Variants in KMT2C observed in about 807,000 individuals in gnomAD.
KMT2C encodes the protein histone-lysine N-methyltransferase 2C.
In KMT2C, 88 loss-of-function variants were observed where a neutral mutation model predicts 507.9. The ratio of observed to expected loss-of-function variants is 0.17; its 90% CI spans 0.15 to 0.21. KMT2C has a LOEUF of 0.21. Ranked by LOEUF, KMT2C falls within the 10% of genes least tolerant of loss-of-function variation. The probability of loss-of-function intolerance (pLI) is 1.00; values close to 1 mark genes in which losing one functional copy is unlikely to be tolerated. For missense variants in KMT2C, 4,954 were observed against 5,957.8 expected, an observed-to-expected ratio of 0.83 and a Z score of 5.55; for synonymous variants, 2,049 against 2,080.8, an observed-to-expected ratio of 0.98 and a Z score of 0.42.
At chr7:152,186,782 G>T (rs887402285) in intron 33 of KMT2C, among the ~76,000 whole-genome samples, 6 of 152,068 alleles carry the variant, frequency 3.9e-5, no homozygotes, top group African/African-American at 1.4e-4. Context: ...TGGTTAATCA[G>T]AATTTTCACA....
chr7:152,355,063 G>C (rs988434581), intron 2 of KMT2C, among the ~76,000 whole-genome samples: 8 of 152,166 alleles, frequency 5.3e-5, no homozygotes, highest in African/African-American at 1.4e-4. Context: ...CAGTGGAGGG[G>C]TCAAAGTAAT....
At chr7:152,221,552 T>C (rs2094772408) in intron 22 of KMT2C, among the ~76,000 whole-genome samples, 4 of 152,196 alleles carry the variant, frequency 2.6e-5, no homozygotes, top group Non-Finnish European at 4.4e-5. Context: ...ATCCAAACAT[T>C]TTTGTATCAG....
rs767722036 is a variant in KMT2C, at chr7:152,148,127, G to A, written c.13800C>T (p.Cys4600=). The stretch of plus-strand genomic sequence containing the variant: ...GGCGCCCATCCTTCTCCTCAATGGA[G>A]CACAGGTAGCGGCAGCGCCTATTGG... ...RYANRRCRYL[C]SIEEKDGRPV... The change falls in exon 52 of 59, where the codon TGC becomes TGT. Residue 4600 remains cysteine (C), a synonymous_variant. Transcript: ENST00000262189. The surrounding 1 kb of genome is among the most constrained non-coding windows in gnomAD (Gnocchi z 7.1). 2 of 1,613,696 alleles carry A rather than the reference G, an allele frequency of 1.2e-6. No homozygotes were observed. Among genetic ancestry groups the A allele is most frequent in the Admixed American group, 3.3e-5 (2 of 60,016 alleles).
At chr7:152,323,835 G>C (rs1192603775) in intron 3 of KMT2C, among the ~76,000 whole-genome samples, 1 of 148,972 alleles carries the variant, frequency 6.7e-6, no homozygotes, top group African/African-American at 2.5e-5. Context: ...AAGGAAGAGT[G>C]GGGAGAGAGA....
chr7:152,393,789 G>T (rs1564100365), intron 1 of KMT2C, among the ~76,000 whole-genome samples: 1 of 152,162 alleles, frequency 6.6e-6, no homozygotes, highest in South Asian at 2.1e-4. Flanking sequence ...CTACTGGGGA[G>T]GTTGAGGCAG....
chr7:152,208,292 T>TC (rs1156381129), intron 23 of KMT2C, among the ~76,000 whole-genome samples: 1 of 152,232 alleles, frequency 6.6e-6, no homozygotes, highest in Non-Finnish European at 1.5e-5. Context: ...AGCTCTTTCT[T>TC]CCACTATCTT....
At chr7:152,358,726 T>G in intron 1 of KMT2C, 51 bp from the exon 2 acceptor site, 1 of 1,222,962 alleles carries the variant, frequency 8.2e-7, no homozygotes, top group Non-Finnish European at 1.2e-6. Flanking sequence ...TGTTAAATTT[T>G]AAGGCTTAGA....
chr7:152,318,744 C>G (rs1276033547), intron 3 of KMT2C, among the ~76,000 whole-genome samples: 2 of 149,734 alleles, frequency 1.3e-5, no homozygotes, highest in African/African-American at 4.9e-5. Flanking sequence ...ACCAGGCAAA[C>G]ATAAACCAAA....
chr7:152,332,720 T>A (rs1292558233), intron 2 of KMT2C, among the ~76,000 whole-genome samples: 1 of 152,012 alleles, frequency 6.6e-6, no homozygotes, highest in Non-Finnish European at 1.5e-5. Flanking sequence ...TGGTGGCACA[T>A]GCCTGTAATC....
At chr7:152,359,903 G>C (rs1265359441) in intron 1 of KMT2C, among the ~76,000 whole-genome samples, 1 of 151,452 alleles carries the variant, frequency 6.6e-6, no homozygotes, top group Non-Finnish European at 1.5e-5. Context: ...ACAAAAATTA[G>C]CCAGGTGTTG....
intron 1 of KMT2C, among the ~76,000 whole-genome samples, chr7:152,376,596 C>T (rs1193065662): frequency 1.3e-5 from 2 of 152,164 alleles, no homozygotes; most frequent in African/African-American, 4.8e-5. Flanking sequence ...TAATCCACAG[C>T]AAGGCTCTAA....
intron 23 of KMT2C, among the ~76,000 whole-genome samples, chr7:152,208,187 T>C (rs372449170): frequency 6.6e-6 from 1 of 152,290 alleles, no homozygotes; most frequent in South Asian, 2.1e-4. Context: ...AAAATAAACT[T>C]TAAATTGCAA....
chr7:152,433,434 G>T (rs2097883977), intron 1 of KMT2C, among the ~76,000 whole-genome samples: 1 of 145,010 alleles, frequency 6.9e-6, no homozygotes, highest in African/African-American at 2.6e-5. Flanking sequence ...AAACCTCTTT[G>T]CTTTCCAATT....
Position 152,162,403 on chromosome 7 carries a change from G to T in KMT2C, c.11174C>A (p.Thr3725Lys), listed in dbSNP as rs2092503094. The T allele has an allele frequency of 1.9e-6, 3 of 1,614,116 alleles. No individual in the cohort carries two copies. In the Admixed American group the frequency reaches 5.0e-5, roughly 27 times the overall value. ...TEEIKLEKAETESCPGQEEPK... is the reference protein window; with the variant it reads ...TEEIKLEKAEKESCPGQEEPK... ...CTCCTCTTGGCCTGGGCAGGACTCTGTCTCAGCCTTTTCCAGTTTTATCTC... is the reference window on the plus strand; with the variant it reads ...CTCCTCTTGGCCTGGGCAGGACTCTTTCTCAGCCTTTTCCAGTTTTATCTC... The change falls in exon 43 of 59, where the codon ACA becomes AAA. Residue 3725 changes from threonine to lysine, a missense_variant. By Grantham distance (78) the Thr-to-Lys change is moderately conservative (BLOSUM62 -1). This residue lies in a region of KMT2C where 801 missense variants were observed against 751.2 expected (regional missense o/e 1.07). Transcript: ENST00000262189.
chr7:152,197,226 G>A (rs1307234396), intron 27 of KMT2C, among the ~76,000 whole-genome samples: 1 of 152,180 alleles, frequency 6.6e-6, no homozygotes, highest in Non-Finnish European at 1.5e-5. Flanking sequence ...AGACACAAAC[G>A]TGGATGAATG....
At position 152,248,096 on chromosome 7, in the gene KMT2C, C is replaced by G. The variant is rs1485080704; in HGVS notation, c.2338G>C (p.Asp780His). 6.2e-7 allele frequency: 1 copy of G among 1,614,234 alleles called. No individual in the cohort carries two copies. The highest frequency in any genetic ancestry group is 8.5e-7 in the Non-Finnish European group (1 of 1,180,014). Reference protein sequence around the residue: ...FSSSADISKADVSSSPTPSSD... With the variant: ...FSSSADISKAHVSSSPTPSSD... ...GAAGGTGTTGGGGAGGAAGACACAT[C>G]TGCCTTGCTTATGTCTGCTGATGAT... The change falls in exon 14 of 59, where the codon GAT (aspartate) becomes CAT (histidine). Residue 780 changes from aspartate to histidine, a missense_variant. Asp to His is a moderately conservative substitution (Grantham distance 81). Coordinates refer to ENST00000262189, the MANE Select transcript of KMT2C (RefSeq NM_170606.3).
intron 44 of KMT2C, among the ~76,000 whole-genome samples, chr7:152,158,507 GTTTGTTTTTTT>G (rs1012330421): frequency 5.0e-5 from 5 of 100,866 alleles, no homozygotes; most frequent in Admixed American, 2.7e-4. Flanking sequence ...TCCTTGAATT[GTTTGTTTTTTT>G]TTTGTTTTTT....
In KMT2C at chr7:152,315,314, G is replaced by A. The variant is rs2129202713; in HGVS notation, c.414C>T (p.Tyr138=). Residue 138 remains tyrosine, a synonymous_variant, in exon 4 of 59, where the codon TAC becomes TAT. Transcript: ENST00000262189. Reference sequence around the variant, plus strand: ...GTCCTAAGGAACTTTTTTCCCCACAGTAACAAAAAGCGCAGAGCTGTTCAC... The same window carrying A: ...GTCCTAAGGAACTTTTTTCCCCACAATAACAAAAAGCGCAGAGCTGTTCAC... ...KISEQLCAFC[Y]CGEKSSLGQG... The A allele has an allele frequency of 6.2e-7, 1 of 1,613,664 alleles. No individual in the cohort carries two copies. The highest frequency in any genetic ancestry group is 8.5e-7 in the Non-Finnish European group (1 of 1,179,710).
At chr7:152,196,223 T>C (rs1252131569) in intron 27 of KMT2C, among the ~76,000 whole-genome samples, 1 of 152,184 alleles carries the variant, frequency 6.6e-6, no homozygotes, top group Non-Finnish European at 1.5e-5. Context: ...TTTTGTCTTG[T>C]GACTAATGTA....
Sources: allele counts gnomAD v4.1 joint callset (sites outside exome capture counted in the v4.1 genomes callset), GRCh38; gene constraint gnomAD v4.1.1; regional missense constraint gnomAD v4.1.1; non-coding constraint Gnocchi (gnomAD v3.1); transcripts MANE v1.5; gene names NCBI Gene and HGNC (gene_info 2026-07-23, HGNC 2026-07-21).